The following MAPK10 variants were observed in gnomAD, a reference collection of about 807,000 sequenced individuals.
MAPK10 encodes mitogen-activated protein kinase 10.
MAPK10 carries 25 observed loss-of-function variants against 59.3 expected under a neutral mutation model. That is an observed-to-expected ratio of 0.42 (90% CI 0.31 to 0.59). The LOEUF is 0.59. Ranked by LOEUF, MAPK10 falls within the 20% of genes least tolerant of loss-of-function variation. MAPK10 has a pLI of 0.15. For missense variants in MAPK10, 351 were observed against 568.9 expected (o/e 0.62, Z 3.90); for synonymous variants, 190 against 200.5 (o/e 0.95, Z 0.44).
chr4:86,286,837 T>A (rs1456173670), intron 2 of MAPK10, among the ~76,000 whole-genome samples: 1 of 152,146 alleles, frequency 6.6e-6, no homozygotes, highest in Non-Finnish European at 1.5e-5. Context: ...CCCTGTTAGT[T>A]TGTTGATGAT....
At chr4:86,274,286 C>G (rs545857085) in intron 2 of MAPK10, among the ~76,000 whole-genome samples, 1 of 151,872 alleles carries the variant, frequency 6.6e-6, no homozygotes. Flanking sequence ...GAATAAGGAG[C>G]TAATTTATCA....
At chr4:86,579,516 T>TACACACACACACACAC (rs35878270) in intron 1 of MAPK10, among the ~76,000 whole-genome samples, 18 of 146,292 alleles carry the variant, frequency 1.2e-4, no homozygotes, top group South Asian at 2.3e-4. Flanking sequence ...GATATGTGTA[T>TACACACACACACACAC]ACACACACAC....
At chr4:86,075,717 G>A (rs1280084749) in intron 9 of MAPK10, among the ~76,000 whole-genome samples, 1 of 152,002 alleles carries the variant, frequency 6.6e-6, no homozygotes. Context: ...GGGGTCAGGG[G>A]TCAGGGACCC....
At chr4:86,171,084 G>A (rs915048965) in intron 3 of MAPK10, 1 of 151,956 alleles carries the variant, frequency 6.6e-6, no homozygotes, top group African/African-American at 2.4e-5. Flanking sequence ...AGTGTGTAGA[G>A]GGAAATTTAT....
intron 1 of MAPK10, among the ~76,000 whole-genome samples, chr4:86,397,979 A>G (rs1743185350): frequency 6.6e-6 from 1 of 151,694 alleles, no homozygotes; most frequent in Non-Finnish European, 1.5e-5. Flanking sequence ...AACATGCAAT[A>G]CTCTGAAACT....
At chr4:86,435,516 A>T (rs1021049151) in intron 1 of MAPK10, among the ~76,000 whole-genome samples, 1 of 152,150 alleles carries the variant, frequency 6.6e-6, no homozygotes, top group Non-Finnish European at 1.5e-5. Context: ...AAAGGCAAAG[A>T]TGGTAAATTT....
chr4:86,418,595 GC>G (rs1193892091), intron 1 of MAPK10, among the ~76,000 whole-genome samples: 1 of 152,166 alleles, frequency 6.6e-6, no homozygotes, highest in East Asian at 1.9e-4. Context: ...TTCCCTAAAG[GC>G]TTGATCAATT....
At chr4:86,370,572 AC>A (rs1738607072) in intron 1 of MAPK10, 1 of 152,022 alleles carries the variant, frequency 6.6e-6, no homozygotes, top group Non-Finnish European at 1.5e-5. Flanking sequence ...TTATTGTTAG[AC>A]TGGACCACTT....
At chr4:86,026,191 A>C (rs1238674323) in intron 13 of MAPK10, among the ~76,000 whole-genome samples, 1 of 152,202 alleles carries the variant, frequency 6.6e-6, no homozygotes, top group African/African-American at 2.4e-5. Context: ...AGTCACTGTT[A>C]GTTTTGGGAG....
At chr4:86,083,165 A>G (rs10027225) in intron 9 of MAPK10, among the ~76,000 whole-genome samples, 34,643 of 152,004 alleles carry the variant, frequency 0.23, 4,182 homozygotes, top group South Asian at 0.26. Context: ...GCAAAATAGA[A>G]GGCTCCACCA....
intron 2 of MAPK10, among the ~76,000 whole-genome samples, chr4:86,212,943 C>A (rs924859270): frequency 1.3e-5 from 2 of 152,096 alleles, no homozygotes; most frequent in Non-Finnish European, 1.5e-5. Context: ...TTCTCAAGTG[C>A]ACATGGGACA....
rs1302893487 is a variant in MAPK10, at chr4:86,371,782, G to A, written c.-121-17138C>T. Among the ~76,000 whole-genome samples the A allele has an allele frequency of 3.3e-5, 5 of 152,310 alleles. No homozygotes were observed. The East Asian group carries it at 9.7e-4, about 29-fold the overall frequency. Reference sequence around the variant, plus strand: ...CCTCACTTGGAAGCACAAGGGGTCAGGGAACTCTTTCCCATAGCCAAGAGA... The same window carrying A: ...CCTCACTTGGAAGCACAAGGGGTCAAGGAACTCTTTCCCATAGCCAAGAGA... On this transcript the variant is annotated intron_variant, in intron 1 of 13. Coordinates refer to the MAPK10 transcript ENST00000361569.
chr4:86,262,633 GAATAAATTAAGC>G (rs1411635448), intron 2 of MAPK10, among the ~76,000 whole-genome samples: 2 of 152,048 alleles, frequency 1.3e-5, no homozygotes, highest in African/African-American at 4.8e-5. Context: ...ATGTTTTGTT[GAATAAATTAAGC>G]AATTAATTAA....
chr4:86,224,626 T>A (rs950907333), intron 2 of MAPK10, among the ~76,000 whole-genome samples: 1 of 152,200 alleles, frequency 6.6e-6, no homozygotes, highest in African/African-American at 2.4e-5. Flanking sequence ...AGAAGGTAGA[T>A]ATATTGACGA....
At chr4:86,164,454 G>A (rs565282644) in intron 3 of MAPK10, 2 of 152,142 alleles carry the variant, frequency 1.3e-5, no homozygotes, top group South Asian at 2.1e-4. Flanking sequence ...GTGAGTGGCA[G>A]GTTTTGATTT....
chr4:86,182,143 A>G (rs1241064529), intron 3 of MAPK10, among the ~76,000 whole-genome samples: 1 of 152,092 alleles, frequency 6.6e-6, no homozygotes, highest in Non-Finnish European at 1.5e-5. Context: ...TTACAAAGAA[A>G]AATTTCTCCC....
intron 4 of MAPK10, among the ~76,000 whole-genome samples, chr4:86,129,365 T>G (rs2060620441): frequency 6.6e-6 from 1 of 152,192 alleles, no homozygotes; most frequent in Non-Finnish European, 1.5e-5. Flanking sequence ...AAATTATTTT[T>G]GATAAGACCA....
intron 2 of MAPK10, among the ~76,000 whole-genome samples, chr4:86,299,149 A>C (rs756569858): frequency 3.9e-4 from 59 of 152,216 alleles, no homozygotes; most frequent in Admixed American, 3.3e-3. Context: ...TCAGAATAAA[A>C]GCAGTAAAAA....
intron 3 of MAPK10, among the ~76,000 whole-genome samples, chr4:86,167,381 A>G (rs573383430): frequency 6.6e-6 from 1 of 152,224 alleles, no homozygotes; most frequent in Non-Finnish European, 1.5e-5. Flanking sequence ...GGCCAGCATC[A>G]TCCTGATACC....
Sources: allele counts gnomAD v4.1 joint callset (sites outside exome capture counted in the v4.1 genomes callset), GRCh38; gene constraint gnomAD v4.1.1; transcripts MANE v1.5; gene names NCBI Gene and HGNC (gene_info 2026-07-23, HGNC 2026-07-21).